Variants in XKR9 observed in about 807,000 individuals in gnomAD.
XKR9 encodes the protein XK related 9.
In XKR9, 32 loss-of-function variants were observed where a neutral mutation model predicts 32.0. The observed-to-expected ratio is 1.00, with a 90% CI of 0.76 to 1.34. The LOEUF (loss-of-function observed/expected upper bound fraction) is 1.34. XKR9 is among the 40% of genes most tolerant of loss of function. The pLI is 0.00. For synonymous variants in XKR9, 168 were observed against 143.4 expected, an observed-to-expected ratio of 1.17 and a Z score of -1.22; for missense variants, 546 against 429.7, an observed-to-expected ratio of 1.27 and a Z score of -2.39.
At chr8:70,700,974 G>A (rs192772858) in intron 3 of XKR9, among the ~76,000 whole-genome samples, 20 of 152,306 alleles carry the variant, frequency 1.3e-4, no homozygotes, top group Admixed American at 6.5e-4. Context: ...TCCGTGGGGC[G>A]TAGGACCCTC....
chr8:70,818,011 T>C, the XKR9 span, among the ~76,000 whole-genome samples: 2 of 152,182 alleles, frequency 1.3e-5, no homozygotes, highest in African/African-American at 4.8e-5. Context: ...CTAAACATTC[T>C]AGAAGAAAAC....
the XKR9 span, among the ~76,000 whole-genome samples, chr8:71,034,817 A>C: frequency 6.6e-6 from 1 of 152,148 alleles, no homozygotes; most frequent in African/African-American, 2.4e-5. Context: ...AAGCATAATA[A>C]AATGGTTGCT....
At chr8:70,983,766 G>A in the XKR9 span, among the ~76,000 whole-genome samples, 1 of 149,130 alleles carries the variant, frequency 6.7e-6, no homozygotes, top group South Asian at 2.1e-4. Flanking sequence ...GGGGGACAAG[G>A]GCAAGACTTC....
At chr8:70,798,111 T>C in the XKR9 span, among the ~76,000 whole-genome samples, 114 of 152,334 alleles carry the variant, frequency 7.5e-4, no homozygotes, top group Middle Eastern at 3.4e-3. Context: ...CTGTTTTATG[T>C]TCTTTGAGAA....
the XKR9 span, among the ~76,000 whole-genome samples, chr8:71,053,329 T>G: frequency 6.6e-6 from 1 of 152,182 alleles, no homozygotes; most frequent in Non-Finnish European, 1.5e-5. Context: ...GTGAATCTGA[T>G]GTGAAGTCAA....
chr8:70,973,310 C>A, the XKR9 span, among the ~76,000 whole-genome samples: 1 of 151,920 alleles, frequency 6.6e-6, no homozygotes, highest in South Asian at 2.1e-4. Context: ...TGTAATATTT[C>A]CCAATTTGTT....
At chr8:70,818,977 G>C in the XKR9 span, among the ~76,000 whole-genome samples, 1 of 152,182 alleles carries the variant, frequency 6.6e-6, no homozygotes, top group Non-Finnish European at 1.5e-5. Context: ...ATAGTAATGT[G>C]CCTCTAAGGA....
At chr8:70,941,377 A>C in the XKR9 span, among the ~76,000 whole-genome samples, 1 of 151,928 alleles carries the variant, frequency 6.6e-6, no homozygotes, top group East Asian at 1.9e-4. Flanking sequence ...TTATTTTCTT[A>C]TTTCAAAATG....
At chr8:70,864,801 A>T in the XKR9 span, among the ~76,000 whole-genome samples, 1 of 152,152 alleles carries the variant, frequency 6.6e-6, no homozygotes, top group Non-Finnish European at 1.5e-5. Context: ...GATTAACCTT[A>T]TCGGTTCTCT....
intron 3 of XKR9, among the ~76,000 whole-genome samples, chr8:70,689,448 A>G (rs1262044562): frequency 6.7e-6 from 1 of 148,466 alleles, no homozygotes; most frequent in East Asian, 1.9e-4. Flanking sequence ...TTGCAAATAT[A>G]TATATATATA....
At chr8:71,032,570 T>A in the XKR9 span, among the ~76,000 whole-genome samples, 5 of 152,158 alleles carry the variant, frequency 3.3e-5, no homozygotes, top group Non-Finnish European at 7.4e-5. Context: ...TAACTTTACT[T>A]AATGATAAGG....
chr8:70,688,722 T>A (rs796682854), intron 3 of XKR9, among the ~76,000 whole-genome samples: 6 of 151,844 alleles, frequency 4.0e-5, no homozygotes, highest in African/African-American at 1.4e-4. Context: ...GTCCTTTTTT[T>A]TTTTTTTGAA....
chr8:70,750,539 T>A (rs1384031428), intron 2 of XKR9, among the ~76,000 whole-genome samples: 1 of 152,194 alleles, frequency 6.6e-6, no homozygotes, highest in African/African-American at 2.4e-5. Context: ...ACATCTTTTT[T>A]AAAAATTGCA....
chr8:70,994,576 T>C, the XKR9 span, among the ~76,000 whole-genome samples: 24 of 152,224 alleles, frequency 1.6e-4, no homozygotes, highest in African/African-American at 5.5e-4. Context: ...TTGAATATGA[T>C]AGGCATAAGT....
At chr8:70,898,111 G>A in the XKR9 span, among the ~76,000 whole-genome samples, 1 of 152,174 alleles carries the variant, frequency 6.6e-6, no homozygotes, top group South Asian at 2.1e-4. Context: ...TAGGGGTCTA[G>A]TTTCATTCTT....
intron 3 of XKR9, among the ~76,000 whole-genome samples, chr8:70,692,504 A>C (rs1288772610): frequency 6.6e-6 from 1 of 152,054 alleles, no homozygotes; most frequent in African/African-American, 2.4e-5. Flanking sequence ...ACGAGTTTTC[A>C]AGGGGAATGC....
chr8:70,941,363 T>C, the XKR9 span, among the ~76,000 whole-genome samples: 4 of 152,204 alleles, frequency 2.6e-5, no homozygotes, highest in Non-Finnish European at 5.9e-5. Context: ...ATATGCTAAA[T>C]TTATTATTTT....
At chr8:70,837,178 A>G in the XKR9 span, among the ~76,000 whole-genome samples, 1 of 152,172 alleles carries the variant, frequency 6.6e-6, no homozygotes, top group South Asian at 2.1e-4. Flanking sequence ...CATTACATAC[A>G]TGTCTGTTTC....
intron 3 of XKR9, among the ~76,000 whole-genome samples, chr8:70,700,179 A>G (rs907502131): frequency 2.0e-5 from 3 of 151,950 alleles, no homozygotes; most frequent in African/African-American, 4.8e-5. Flanking sequence ...TCTTCTCTCA[A>G]CTCGTCAAAG....
Sources: gnomAD v4.1 joint callset for allele counts (sites outside exome capture counted in the v4.1 genomes callset) on GRCh38, gnomAD v4.1.1 for gene constraint, MANE v1.5 for transcripts, NCBI Gene and HGNC (gene_info 2026-07-23, HGNC 2026-07-21) for gene names.